ZNF469: variants seen among roughly 807,000 people sequenced by gnomAD.
ZNF469 encodes the protein zinc finger protein 469.
Under a neutral mutation model 1.0 loss-of-function variants are expected in ZNF469, and 1 was observed. That is an observed-to-expected ratio of 1.00 (90% CI 0.35 to 4.73). The LOEUF is 4.73. ZNF469 is among the 30% of genes most tolerant of loss of function. The pLI is 0.16. For missense variants in ZNF469, 6,100 were observed against 5,356.3 expected (o/e 1.14, Z -4.33); for synonymous variants, 2,703 against 2,363.4 (o/e 1.14, Z -4.17).
the ZNF469 span, among the ~76,000 whole-genome samples, chr16:88,102,858 G>A: frequency 2.6e-5 from 4 of 152,250 alleles, no homozygotes; most frequent in African/African-American, 4.8e-5. Flanking sequence ...CCTTGGCCTC[G>A]TGTCTGTGCA....
chr16:88,363,677 G>A, the ZNF469 span, among the ~76,000 whole-genome samples: 1 of 152,194 alleles, frequency 6.6e-6, no homozygotes, highest in Admixed American at 6.5e-5. Flanking sequence ...TTTTGCATCA[G>A]AGTTTTAGCT....
chr16:88,135,748 G>GTTTTATTCTTTTTT, the ZNF469 span, among the ~76,000 whole-genome samples: 23 of 66,930 alleles, frequency 3.4e-4, 9 homozygotes, highest in East Asian at 1.2e-3. Context: ...AGCTGGCCAT[G>GTTTTATTCTTTTTT]TTTTTTTTTT....
chr16:88,126,702 G>A, the ZNF469 span, among the ~76,000 whole-genome samples: 3 of 151,770 alleles, frequency 2.0e-5, no homozygotes, highest in Non-Finnish European at 4.4e-5. Flanking sequence ...AACCCAGGCT[G>A]GAGTGCAGTG....
chr16:88,335,520 G>A, the ZNF469 span, among the ~76,000 whole-genome samples: 1 of 152,208 alleles, frequency 6.6e-6, no homozygotes, highest in Non-Finnish European at 1.5e-5. Context: ...CCCCTCCTCG[G>A]CCCCTCAGGG....
the ZNF469 span, among the ~76,000 whole-genome samples, chr16:88,162,639 A>C: frequency 1.3e-5 from 2 of 151,990 alleles, no homozygotes; most frequent in African/African-American, 4.8e-5. Context: ...GGCATTTCAA[A>C]AAAGCATTTA....
At chr16:88,297,376 C>A in the ZNF469 span, among the ~76,000 whole-genome samples, 9 of 152,242 alleles carry the variant, frequency 5.9e-5, no homozygotes, top group Non-Finnish European at 1.2e-4. Flanking sequence ...CCACCCTCCA[C>A]GTCCGCTTTC....
chr16:88,380,727 C>G (rs967084603), upstream of ZNF469, among the ~76,000 whole-genome samples: 1 of 148,484 alleles, frequency 6.7e-6, no homozygotes, highest in Admixed American at 6.7e-5. Flanking sequence ...CATACACACA[C>G]AGACATGCAC....
chr16:88,255,850 G>A, the ZNF469 span, among the ~76,000 whole-genome samples: 3 of 152,214 alleles, frequency 2.0e-5, no homozygotes, highest in Non-Finnish European at 2.9e-5. Context: ...GGGTTGGAAT[G>A]TCTCTGGTCG....
the ZNF469 span, among the ~76,000 whole-genome samples, chr16:88,200,529 G>A: frequency 2.0e-5 from 3 of 152,342 alleles, no homozygotes; most frequent in Admixed American, 6.5e-5. Context: ...TGTCTTCCCC[G>A]GAGGCCGGTC....
chr16:88,173,403 G>C, the ZNF469 span, among the ~76,000 whole-genome samples: 1 of 152,122 alleles, frequency 6.6e-6, no homozygotes, highest in Non-Finnish European at 1.5e-5. Context: ...CAAAATTGGA[G>C]ATAATGACTA....
At chr16:88,135,414 GC>G in the ZNF469 span, among the ~76,000 whole-genome samples, 6 of 152,246 alleles carry the variant, frequency 3.9e-5, no homozygotes, top group Non-Finnish European at 1.5e-5. Flanking sequence ...GCCAGATGGG[GC>G]TGACTCCAGA....
At chr16:88,191,617 G>A in the ZNF469 span, 1 of 152,408 alleles carries the variant, frequency 6.6e-6, no homozygotes, top group Admixed American at 6.5e-5. Flanking sequence ...AATCGGGATA[G>A]AAGTCAGAAC....
At chr16:88,192,269 G>A in the ZNF469 span, 4 of 152,252 alleles carry the variant, frequency 2.6e-5, no homozygotes, top group Non-Finnish European at 5.9e-5. Flanking sequence ...CAGGGACATT[G>A]TGTCAGGTCT....
chr16:88,200,302 C>G, the ZNF469 span, among the ~76,000 whole-genome samples: 1 of 152,206 alleles, frequency 6.6e-6, no homozygotes, highest in Non-Finnish European at 1.5e-5. Context: ...CAGCCCAAGA[C>G]GAGGGACATC....
rs953026596 is a variant in ZNF469 at position 88,424,006 on chromosome 16, C to T, written c.-191-801C>T. On this transcript the variant is annotated intron_variant, in intron 1 of 2. Transcript: ENST00000565624. The surrounding 1 kb of genome is among the most constrained non-coding windows in gnomAD (Gnocchi z 4.3). ...GTGTGGCCATATTTTAAAACCATCA[C>T]GGAGACTGACAATTGGACAATCTCC... 6.6e-6 allele frequency among the ~76,000 whole-genome samples: 1 copy of T among 152,360 alleles called. No homozygotes were observed. Among genetic ancestry groups the T allele is most frequent in the South Asian group, 2.1e-4 (1 of 4,830 alleles).
At chr16:88,426,827 T>C (rs7201175) in intron 2 of ZNF469, among the ~76,000 whole-genome samples, 41,293 of 151,966 alleles carry the variant, frequency 0.27, 5,822 homozygotes, top group East Asian at 0.32. Context: ...GAGGTTCAGG[T>C]TGAGCCTCTG....
At chr16:88,409,564 G>A (rs921862340) in intron 1 of ZNF469, among the ~76,000 whole-genome samples, 9 of 152,296 alleles carry the variant, frequency 5.9e-5, no homozygotes, top group East Asian at 1.9e-4. Flanking sequence ...GGGGCCAGCC[G>A]GGGAGGGGTC....
At chr16:88,308,091 T>A in the ZNF469 span, among the ~76,000 whole-genome samples, 1 of 152,228 alleles carries the variant, frequency 6.6e-6, no homozygotes, top group African/African-American at 2.4e-5. Context: ...TTGCAAAAAT[T>A]ATTCTTTCCC....
chr16:88,141,220 C>T, the ZNF469 span, among the ~76,000 whole-genome samples: 1 of 152,208 alleles, frequency 6.6e-6, no homozygotes, highest in African/African-American at 2.4e-5. Context: ...CTTTCTACCC[C>T]AAATTCTAAT....
Sources: gnomAD v4.1 joint callset for allele counts (sites outside exome capture counted in the v4.1 genomes callset) on GRCh38, gnomAD v4.1.1 for gene constraint, Gnocchi (gnomAD v3.1) non-coding constraint, MANE v1.5 for transcripts, NCBI Gene and HGNC (gene_info 2026-07-23, HGNC 2026-07-21) for gene names.